SERTM1: variants seen among roughly 807,000 people sequenced by gnomAD.
The protein encoded by SERTM1 is serine rich and transmembrane domain containing 1.
In SERTM1, 1 loss-of-function variant was observed where a neutral mutation model predicts 5.5. That is an observed-to-expected ratio of 0.18 (90% CI 0.06 to 0.86). The LOEUF (loss-of-function observed/expected upper bound fraction) is 0.86. Among genes scored for constraint, SERTM1 ranks in the 40% least tolerant of loss-of-function variants. The pLI is 0.69. For missense variants in SERTM1, 91 were observed against 122.4 expected (o/e 0.74, Z 1.21); for synonymous variants, 52 against 55.1 (o/e 0.94, Z 0.25).
intron 1 of SERTM1, among the ~76,000 whole-genome samples, chr13:36,681,755 C>G (rs975700528): frequency 1.1e-4 from 16 of 152,172 alleles, no homozygotes; most frequent in African/African-American, 3.6e-4. Context: ...TCATATTCAG[C>G]CAGAGCTTCA....
chr13:36,685,400 TGA>T (rs1361965623), intron 1 of SERTM1, among the ~76,000 whole-genome samples: 2 of 152,202 alleles, frequency 1.3e-5, no homozygotes, highest in East Asian at 3.8e-4. Flanking sequence ...TTTGCAGCCA[TGA>T]GAGAGCACTT....
chr13:36,682,403 G>T (rs2138087088), intron 1 of SERTM1, among the ~76,000 whole-genome samples: 1 of 152,298 alleles, frequency 6.6e-6, no homozygotes, highest in African/African-American at 2.4e-5. Flanking sequence ...TGCTAGTGTA[G>T]AAAGGTACAG....
intron 1 of SERTM1, among the ~76,000 whole-genome samples, chr13:36,679,330 C>T (rs2056689025): frequency 6.6e-6 from 1 of 152,200 alleles, no homozygotes; most frequent in South Asian, 2.1e-4. Flanking sequence ...TGTTGTTGAA[C>T]AGCTGATACA....
chr13:36,693,722 G>A (rs1400842994), intron 1 of SERTM1, among the ~76,000 whole-genome samples: 1 of 152,224 alleles, frequency 6.6e-6, no homozygotes, highest in Non-Finnish European at 1.5e-5. Flanking sequence ...CAGGTAAAAT[G>A]AAGGGCAGAG....
intron 1 of SERTM1, among the ~76,000 whole-genome samples, chr13:36,678,243 C>T (rs1435299893): frequency 6.6e-6 from 1 of 152,050 alleles, no homozygotes; most frequent in African/African-American, 2.4e-5. Context: ...TGTTAACATG[C>T]CCCCATAATA....
chr13:36,687,200 G>T (rs867010089), intron 1 of SERTM1, among the ~76,000 whole-genome samples: 18 of 152,218 alleles, frequency 1.2e-4, no homozygotes, highest in Middle Eastern at 3.4e-3. Flanking sequence ...ACGGAAATGT[G>T]AATTAAAAAT....
chr13:36,679,411 G>A (rs1308906735), intron 1 of SERTM1, among the ~76,000 whole-genome samples: 1 of 151,922 alleles, frequency 6.6e-6, no homozygotes, highest in Admixed American at 6.6e-5. Flanking sequence ...GTTTTTGTTT[G>A]TTTTTTGTTT....
At chr13:36,683,040 A>T (rs1464247485) in intron 1 of SERTM1, among the ~76,000 whole-genome samples, 4 of 152,046 alleles carry the variant, frequency 2.6e-5, no homozygotes, top group Non-Finnish European at 5.9e-5. Context: ...GTTTTTCTTA[A>T]CCAAAAACAA....
intron 1 of SERTM1, among the ~76,000 whole-genome samples, chr13:36,692,462 G>T (rs566484160): frequency 6.6e-6 from 1 of 152,264 alleles, no homozygotes; most frequent in Non-Finnish European, 1.5e-5. Context: ...ATACAGACTT[G>T]GGTAGCAGAG....
intron 1 of SERTM1, among the ~76,000 whole-genome samples, chr13:36,682,777 T>C (rs979825506): frequency 6.6e-6 from 1 of 152,230 alleles, no homozygotes; most frequent in African/African-American, 2.4e-5. Flanking sequence ...AAATTATAGA[T>C]GCATTAGACT....
At chr13:36,684,157 C>T (rs570137251) in intron 1 of SERTM1, among the ~76,000 whole-genome samples, 45 of 152,142 alleles carry the variant, frequency 3.0e-4, no homozygotes, top group Admixed American at 1.2e-3. Flanking sequence ...ATTAGCCGGA[C>T]GTGGTGGTGG....
At chr13:36,678,107 T>A (rs2056680913) in intron 1 of SERTM1, among the ~76,000 whole-genome samples, 1 of 152,186 alleles carries the variant, frequency 6.6e-6, no homozygotes, top group African/African-American at 2.4e-5. Flanking sequence ...CCAGCAGTAT[T>A]TTCATGGCAT....
rs1456435057 is a variant in SERTM1, at chr13:36,674,051, C to G, written c.-307C>G. On this transcript the variant is annotated 5_prime_UTR_variant, in exon 1 of 2. Transcript: ENST00000315190. ...GCTGCGCCTGCTGTCCGCCGTGCGC[C>G]CAGACTGCGCGCCGCGCCGCTGCGC... The G allele has an allele frequency of 6.6e-6, 1 of 152,280 alleles. No individual in the cohort carries two copies. The highest frequency in any genetic ancestry group is 1.5e-5 in the Non-Finnish European group (1 of 68,140). The allele number at this position is 152,280 out of a possible 1,614,324, so 9.4% of individuals were successfully genotyped here.
intron 1 of SERTM1, among the ~76,000 whole-genome samples, chr13:36,685,622 C>G (rs752769136): frequency 1.9e-4 from 29 of 152,062 alleles, no homozygotes; most frequent in Non-Finnish European, 3.5e-4. Context: ...TTCATTGGCC[C>G]CTATGACAAA....
intron 1 of SERTM1, among the ~76,000 whole-genome samples, chr13:36,690,624 C>T (rs2056772011): frequency 6.6e-6 from 1 of 152,158 alleles, no homozygotes; most frequent in South Asian, 2.1e-4. Flanking sequence ...TTATATAAAA[C>T]ATGCATTTTC....
At chr13:36,694,533 G>A (rs914970621) in intron 1 of SERTM1, among the ~76,000 whole-genome samples, 4 of 152,316 alleles carry the variant, frequency 2.6e-5, no homozygotes, top group East Asian at 3.9e-4. Flanking sequence ...GCTGGTGAAT[G>A]TATGGAATTA....
intron 1 of SERTM1, among the ~76,000 whole-genome samples, chr13:36,681,139 A>G (rs888660474): frequency 1.3e-5 from 2 of 152,254 alleles, no homozygotes; most frequent in African/African-American, 4.8e-5. Context: ...CTCGAAGCAC[A>G]GTCCATGCAC....
rs765476413 is a variant in SERTM1, at chr13:36,678,679, TTA to T, written c.-174+4510_-174+4511del. Among the ~76,000 whole-genome samples the T allele has an allele frequency of 1.9e-4, 26 of 133,718 alleles. No homozygotes were observed. The East Asian group carries it at 2.5e-3, about 13-fold the overall frequency. 87.7% of individuals were successfully genotyped at this position (133,718 alleles called of 152,430 possible). ...CCTGGAACTTAAAATAAAATAAAATTTATATATATATATATAAAATATAGTCC... is the reference window on the plus strand; with the variant it reads ...CCTGGAACTTAAAATAAAATAAAATTTATATATATATATAAAATATAGTCC... On this transcript the variant is annotated intron_variant, in intron 1 of 1. Transcript: ENST00000315190.
rs186465155 is a variant in SERTM1 at position 36,696,274 on chromosome 13, T to C, written c.*872T>C. 8 of 166,988 alleles carry C rather than the reference T, an allele frequency of 4.8e-5. No homozygotes were observed. The highest frequency in any genetic ancestry group is 7.3e-5 in the Non-Finnish European group (5 of 68,124). The allele number at this position is 166,988 out of a possible 1,614,324, so 10.3% of individuals were successfully genotyped here. ...TAGTTGTATTTTATACAGTAATAAC[T>C]CTTAGCTGTCGTGTAAGTTCCTTTA... is the stretch of plus-strand genomic sequence containing the variant. On this transcript the variant is annotated 3_prime_UTR_variant, in exon 2 of 2. Coordinates refer to ENST00000315190, the MANE Select transcript of SERTM1 (RefSeq NM_203451.3).
Sources: allele counts gnomAD v4.1 joint callset (sites outside exome capture counted in the v4.1 genomes callset), GRCh38; gene constraint gnomAD v4.1.1; transcripts MANE v1.5; gene names NCBI Gene and HGNC (gene_info 2026-07-23, HGNC 2026-07-21).